The following FSTL5 variants were observed in gnomAD, a reference collection of about 807,000 sequenced individuals.
The protein encoded by FSTL5 is follistatin like 5, also known as follistatin-related protein 5.
A neutral mutation model predicts 89.1 loss-of-function variants in FSTL5; 62 were observed. The ratio of observed to expected loss-of-function variants is 0.70; its 90% CI spans 0.57 to 0.86. FSTL5 has a LOEUF of 0.86. Ranked by LOEUF, FSTL5 falls within the 40% of genes least tolerant of loss-of-function variation. The pLI, the probability that FSTL5 is intolerant of heterozygous loss-of-function variation, is 0.00. For synonymous variants in FSTL5, 383 were observed against 346.2 expected (o/e 1.11, Z -1.18); for missense variants, 1,057 against 1,001.6 (o/e 1.06, Z -0.75).
intron 4 of FSTL5, among the ~76,000 whole-genome samples, chr4:161,820,411 T>C (rs1730454098): frequency 1.3e-5 from 2 of 152,210 alleles, no homozygotes; most frequent in South Asian, 4.1e-4. Context: ...ATATTACATG[T>C]ATGTGAACAC....
chr4:162,108,706 G>T (rs942856774), intron 2 of FSTL5, among the ~76,000 whole-genome samples: 1 of 151,456 alleles, frequency 6.6e-6, no homozygotes, highest in African/African-American at 2.4e-5. Context: ...TTTAAAATTT[G>T]AAGTATTGTG....
intron 3 of FSTL5, among the ~76,000 whole-genome samples, chr4:161,929,683 G>GTGTGGGTATA (rs1734229947): frequency 1.0e-5 from 1 of 98,168 alleles, no homozygotes; most frequent in African/African-American, 3.4e-5. Flanking sequence ...GTGTGTGTGT[G>GTGTGGGTATA]TGTGTGTGTG....
At chr4:162,124,707 G>GC (rs556922502) in intron 1 of FSTL5, among the ~76,000 whole-genome samples, 1 of 151,462 alleles carries the variant, frequency 6.6e-6, no homozygotes, top group Non-Finnish European at 1.5e-5. Context: ...TTTTTTGTTT[G>GC]TTTTTTTTCT....
intron 4 of FSTL5, among the ~76,000 whole-genome samples, chr4:161,909,482 C>T (rs188545682): frequency 6.6e-6 from 1 of 152,096 alleles, no homozygotes; most frequent in Non-Finnish European, 1.5e-5. Flanking sequence ...GTATCATACT[C>T]CCTCAGCACT....
At chr4:161,753,506 T>C (rs1740467518) in intron 6 of FSTL5, among the ~76,000 whole-genome samples, 1 of 152,190 alleles carries the variant, frequency 6.6e-6, no homozygotes, top group Non-Finnish European at 1.5e-5. Context: ...GGCCCCGTCA[T>C]CACTTTTAGC....
intron 6 of FSTL5, among the ~76,000 whole-genome samples, chr4:161,677,724 G>A (rs1737355746): frequency 6.6e-6 from 1 of 151,866 alleles, no homozygotes; most frequent in South Asian, 2.1e-4. Context: ...CAATTAAAAT[G>A]TACTCTTTAG....
intron 4 of FSTL5, among the ~76,000 whole-genome samples, chr4:161,907,213 G>A (rs758276826): frequency 2.0e-5 from 3 of 151,850 alleles, no homozygotes; most frequent in Admixed American, 6.6e-5. Context: ...GTTATTATTC[G>A]GAATATGGAA....
At chr4:161,443,940 T>G (rs1732861573) in intron 15 of FSTL5, among the ~76,000 whole-genome samples, 1 of 151,910 alleles carries the variant, frequency 6.6e-6, no homozygotes, top group African/African-American at 2.4e-5. Context: ...TTGGACATGA[T>G]CTATAAGCAA....
At chr4:161,824,430 T>C (rs1388008022) in intron 4 of FSTL5, among the ~76,000 whole-genome samples, 1 of 152,256 alleles carries the variant, frequency 6.6e-6, no homozygotes, top group Non-Finnish European at 1.5e-5. Context: ...TAATATAGTT[T>C]GAAGTCAGGT....
intron 5 of FSTL5, among the ~76,000 whole-genome samples, chr4:161,762,987 A>T (rs917458310): frequency 1.3e-5 from 2 of 152,196 alleles, no homozygotes; most frequent in African/African-American, 4.8e-5. Context: ...TCAAAGTTGC[A>T]CAAGGACTGT....
intron 4 of FSTL5, among the ~76,000 whole-genome samples, chr4:161,814,402 G>A (rs1730262422): frequency 1.3e-5 from 2 of 152,256 alleles, no homozygotes; most frequent in Middle Eastern, 3.4e-3. Context: ...GGAATTTCTT[G>A]AGCTCAGTTC....
intron 4 of FSTL5, among the ~76,000 whole-genome samples, chr4:161,853,214 C>T (rs925098635): frequency 2.6e-5 from 4 of 152,148 alleles, no homozygotes; most frequent in African/African-American, 9.7e-5. Context: ...GCAATGAAAG[C>T]TGTAGTCATG....
intron 7 of FSTL5, among the ~76,000 whole-genome samples, chr4:161,654,356 A>G (rs993603985): frequency 9.9e-5 from 15 of 152,174 alleles, no homozygotes; most frequent in African/African-American, 3.1e-4. Flanking sequence ...GCTTAAGAGT[A>G]TGGATGGCAG....
intron 10 of FSTL5, among the ~76,000 whole-genome samples, chr4:161,512,731 T>A (rs1209605494): frequency 6.6e-6 from 1 of 152,098 alleles, no homozygotes; most frequent in Non-Finnish European, 1.5e-5. Context: ...AGGCACTACA[T>A]AATGAATTTA....
intron 6 of FSTL5, among the ~76,000 whole-genome samples, chr4:161,696,280 T>C (rs1019790883): frequency 3.3e-5 from 5 of 152,170 alleles, no homozygotes; most frequent in African/African-American, 1.2e-4. Flanking sequence ...AGTATTTGGG[T>C]TTATTACTGG....
chr4:161,868,950 G>A (rs755491797), intron 4 of FSTL5, among the ~76,000 whole-genome samples: 6 of 152,134 alleles, frequency 3.9e-5, no homozygotes, highest in Admixed American at 6.5e-5. Context: ...GGCCAGGCTC[G>A]GTGGCTCACA....
intron 6 of FSTL5, among the ~76,000 whole-genome samples, chr4:161,657,454 G>C (rs1736558270): frequency 6.6e-6 from 1 of 152,166 alleles, no homozygotes. Context: ...TGTCGATGTA[G>C]AGGAGTGAAA....
chr4:161,438,961 G>T (rs909769900), intron 15 of FSTL5, among the ~76,000 whole-genome samples: 1 of 145,820 alleles, frequency 6.9e-6, no homozygotes, highest in Admixed American at 6.9e-5. Flanking sequence ...GATGATTATA[G>T]TTTTTTTTTT....
intron 6 of FSTL5, among the ~76,000 whole-genome samples, chr4:161,749,139 A>T (rs1333290802): frequency 6.6e-6 from 1 of 152,162 alleles, no homozygotes; most frequent in Non-Finnish European, 1.5e-5. Context: ...AACTAAAAGT[A>T]GAACTACCAT....
Sources: allele counts gnomAD v4.1 joint callset (sites outside exome capture counted in the v4.1 genomes callset), GRCh38; gene constraint gnomAD v4.1.1; transcripts MANE v1.5; gene names NCBI Gene and HGNC (gene_info 2026-07-23, HGNC 2026-07-21).